SLC25A21: variants seen among roughly 807,000 people sequenced by gnomAD.
SLC25A21 encodes solute carrier family 25 member 21.
A neutral mutation model predicts 43.8 loss-of-function variants in SLC25A21; 47 were observed. The ratio of observed to expected loss-of-function variants is 1.07; its 90% CI spans 0.85 to 1.37. SLC25A21 has a LOEUF of 1.37. Among genes scored for constraint, SLC25A21 ranks in the 40% most tolerant of loss-of-function variants. SLC25A21 has a pLI of 0.00. For synonymous variants in SLC25A21, 131 were observed against 121.3 expected, an observed-to-expected ratio of 1.08 and a Z score of -0.52; for missense variants, 352 against 350.2, an observed-to-expected ratio of 1.00 and a Z score of -0.04.
At chr14:36,798,239 A>C (rs1017932894) in intron 3 of SLC25A21, among the ~76,000 whole-genome samples, 4 of 152,164 alleles carry the variant, frequency 2.6e-5, no homozygotes, top group Non-Finnish European at 5.9e-5. Context: ...TAGGAAGAAA[A>C]ACAAGTTCAA....
intron 3 of SLC25A21, among the ~76,000 whole-genome samples, chr14:36,743,181 A>G (rs1885344605): frequency 6.6e-6 from 1 of 152,148 alleles, no homozygotes; most frequent in Admixed American, 6.6e-5. Flanking sequence ...AACACTAAGG[A>G]AAGAAAAAGT....
intron 1 of SLC25A21, among the ~76,000 whole-genome samples, chr14:36,963,535 A>G (rs1959544806): frequency 6.6e-6 from 1 of 152,214 alleles, no homozygotes; most frequent in South Asian, 2.1e-4. Flanking sequence ...CAACCAACCT[A>G]CATGGCCACA....
intron 1 of SLC25A21, among the ~76,000 whole-genome samples, chr14:36,979,349 TTTTG>T (rs371510357): frequency 9.6e-5 from 14 of 146,292 alleles, no homozygotes; most frequent in Middle Eastern, 3.4e-3. Flanking sequence ...TTTTTACTGT[TTTTG>T]TTTGTTTGTT....
chr14:37,004,064 CAG>C (rs1208443326), intron 1 of SLC25A21, among the ~76,000 whole-genome samples: 13 of 152,098 alleles, frequency 8.5e-5, no homozygotes. Context: ...ATCATTCCAG[CAG>C]AGACTACTGC....
chr14:36,905,615 G>A (rs541665207), intron 1 of SLC25A21, among the ~76,000 whole-genome samples: 5 of 151,748 alleles, frequency 3.3e-5, no homozygotes, highest in Non-Finnish European at 5.9e-5. Context: ...TGATTACCCC[G>A]AAGGGATTTT....
At chr14:36,925,628 C>T (rs1022010403) in intron 1 of SLC25A21, among the ~76,000 whole-genome samples, 3 of 152,150 alleles carry the variant, frequency 2.0e-5, no homozygotes, top group Admixed American at 6.5e-5. Context: ...AGGTGGATCA[C>T]TTGAGGCCAG....
At chr14:36,939,908 T>C (rs925964865) in intron 1 of SLC25A21, among the ~76,000 whole-genome samples, 5 of 152,182 alleles carry the variant, frequency 3.3e-5, no homozygotes, top group African/African-American at 9.6e-5. Context: ...TGGTTTCTAA[T>C]TGTTTCACAT....
chr14:36,716,298 C>T (rs907841991), intron 6 of SLC25A21, among the ~76,000 whole-genome samples: 1 of 151,868 alleles, frequency 6.6e-6, no homozygotes. Flanking sequence ...GGGTGCAAAG[C>T]GTCAGCAGGA....
chr14:36,788,901 T>C (rs1014369016), intron 3 of SLC25A21: 2 of 152,170 alleles, frequency 1.3e-5, no homozygotes, highest in Non-Finnish European at 1.5e-5. Flanking sequence ...TCAGGGTTTA[T>C]GGCTTACGAG....
intron 1 of SLC25A21, among the ~76,000 whole-genome samples, chr14:37,149,610 G>A (rs1454241304): frequency 6.6e-6 from 1 of 152,052 alleles, no homozygotes; most frequent in South Asian, 2.1e-4. Flanking sequence ...CAGCAGAATC[G>A]CTTAAACCGG....
intron 2 of SLC25A21, among the ~76,000 whole-genome samples, chr14:36,861,411 T>A (rs894657439): frequency 1.3e-5 from 2 of 152,212 alleles, no homozygotes; most frequent in African/African-American, 4.8e-5. Context: ...AAAGTAGCTT[T>A]CCCATGGGCC....
rs1164071869 is a variant in SLC25A21 at position 36,680,526 on chromosome 14, T to C, written c.*132A>G. 2.2e-6 allele frequency: 3 copies of C among 1,359,458 alleles called. No homozygotes were observed. The highest frequency in any genetic ancestry group is 2.8e-6 in the Non-Finnish European group (3 of 1,053,950). The allele number at this position is 1,359,458 out of a possible 1,614,324, so 84.2% of individuals were successfully genotyped here. Reference sequence around the variant, plus strand: ...TGCCTATAGACATTTTTTAAAGTATTAAAATAGATTTTGTTCTTGAACAGT... The same window carrying C: ...TGCCTATAGACATTTTTTAAAGTATCAAAATAGATTTTGTTCTTGAACAGT... On this transcript the variant is annotated 3_prime_UTR_variant, in exon 10 of 10. Transcript: ENST00000331299.
At chr14:37,018,079 TA>T (rs1262210267) in intron 1 of SLC25A21, among the ~76,000 whole-genome samples, 1 of 150,994 alleles carries the variant, frequency 6.6e-6, no homozygotes, top group Admixed American at 6.6e-5. Flanking sequence ...TCACTCAACT[TA>T]AAAAAAAAGT....
intron 2 of SLC25A21, among the ~76,000 whole-genome samples, chr14:36,827,049 C>T (rs1027102838): frequency 6.6e-6 from 1 of 152,212 alleles, no homozygotes. Context: ...GAATGATTCC[C>T]TCTTCCTTTT....
At chr14:36,919,847 A>C (rs756430100) in intron 1 of SLC25A21, among the ~76,000 whole-genome samples, 2 of 152,148 alleles carry the variant, frequency 1.3e-5, no homozygotes, top group South Asian at 4.1e-4. Context: ...TCACTTACTT[A>C]AAGACAAAAA....
At chr14:36,753,953 G>GAA (rs1462079623) in intron 3 of SLC25A21, among the ~76,000 whole-genome samples, 5 of 149,638 alleles carry the variant, frequency 3.3e-5, no homozygotes, top group Admixed American at 6.6e-5. Flanking sequence ...GAGAGAGAGA[G>GAA]AGAGAGAAAG....
intron 1 of SLC25A21, among the ~76,000 whole-genome samples, chr14:37,134,821 G>A (rs1782736689): frequency 6.6e-6 from 1 of 152,040 alleles, no homozygotes; most frequent in African/African-American, 2.4e-5. Context: ...GGCCAAGTGT[G>A]GTGGCTCATG....
At chr14:36,723,625 C>T (rs1594524140) in intron 6 of SLC25A21, among the ~76,000 whole-genome samples, 1 of 152,218 alleles carries the variant, frequency 6.6e-6, no homozygotes, top group Non-Finnish European at 1.5e-5. Context: ...ACATGCAGCA[C>T]ATTCTTTTGT....
chr14:37,143,368 C>A (rs1963602746), intron 1 of SLC25A21, among the ~76,000 whole-genome samples: 1 of 152,202 alleles, frequency 6.6e-6, no homozygotes, highest in Non-Finnish European at 1.5e-5. Context: ...TGGTTCAAAT[C>A]AGAATGGCCA....
Sources: gnomAD v4.1 joint callset for allele counts (sites outside exome capture counted in the v4.1 genomes callset) on GRCh38, gnomAD v4.1.1 for gene constraint, MANE v1.5 for transcripts, NCBI Gene and HGNC (gene_info 2026-07-23, HGNC 2026-07-21) for gene names.